Variants in PDE1C observed in about 807,000 individuals in gnomAD.
PDE1C encodes the protein phosphodiesterase 1C.
A neutral mutation model predicts 93.1 loss-of-function variants in PDE1C; 62 were observed. The observed-to-expected ratio is 0.67, with a 90% CI of 0.54 to 0.82. The LOEUF (loss-of-function observed/expected upper bound fraction) is 0.82. Among genes scored for constraint, PDE1C ranks in the 40% least tolerant of loss-of-function variants. The pLI is 0.00. For missense variants in PDE1C, 742 were observed against 884.6 expected (o/e 0.84, Z 2.04); for synonymous variants, 325 against 310.1 (o/e 1.05, Z -0.50).
At chr7:32,207,503 T>G (rs1396663190) in intron 2 of PDE1C, among the ~76,000 whole-genome samples, 1 of 152,248 alleles carries the variant, frequency 6.6e-6, no homozygotes, top group Non-Finnish European at 1.5e-5. Flanking sequence ...ATAATTTTTT[T>G]GCCTTCCTAA....
intron 17 of PDE1C, among the ~76,000 whole-genome samples, chr7:31,771,205 A>T (rs1322381697): frequency 6.6e-6 from 1 of 152,052 alleles, no homozygotes; most frequent in Admixed American, 6.6e-5. Context: ...TCTGTGGTAC[A>T]CTCTGCTACT....
chr7:32,189,785 G>A (rs945278596), intron 2 of PDE1C, among the ~76,000 whole-genome samples: 4 of 148,808 alleles, frequency 2.7e-5, no homozygotes, highest in African/African-American at 7.3e-5. Context: ...GTAATATACA[G>A]ATCACAGAAA....
chr7:32,239,357 C>T (rs1375690215), intron 1 of PDE1C, among the ~76,000 whole-genome samples: 1 of 152,148 alleles, frequency 6.6e-6, no homozygotes, highest in Non-Finnish European at 1.5e-5. Flanking sequence ...TGCACTATTA[C>T]ACTCCAGCCC....
chr7:32,064,195 G>C (rs1471394198), intron 1 of PDE1C, among the ~76,000 whole-genome samples: 3 of 152,104 alleles, frequency 2.0e-5, no homozygotes, highest in African/African-American at 7.2e-5. Flanking sequence ...AAGATTCTCA[G>C]ACCCACCACT....
chr7:32,409,869 A>G lies in PDE1C; in HGVS notation c.310+17953T>C, dbSNP rs532283617. On this transcript the variant is annotated intron_variant, in intron 1 of 1. Coordinates refer to the PDE1C transcript ENST00000672256. ...CATATATGCATATTTGCATATGTAC[A>G]CAAACTTATGTATATATTTATATAT... Among the ~76,000 whole-genome samples, 155 of 151,938 alleles carry G rather than the reference A, an allele frequency of 1.0e-3. 2 individuals are homozygous for G. Among genetic ancestry groups the G allele is most frequent in the Admixed American group, 8.8e-3 (134 of 15,250 alleles).
At chr7:31,631,193 AAAGAGAAACCTATC>A in the PDE1C span, among the ~76,000 whole-genome samples, 6 of 152,252 alleles carry the variant, frequency 3.9e-5, no homozygotes, top group Non-Finnish European at 8.8e-5. Flanking sequence ...AGATAAAAAA[AAAGAGAAACCTATC>A]AATTGTTTTT....
intron 2 of PDE1C, among the ~76,000 whole-genome samples, chr7:32,009,117 G>T (rs1447579687): frequency 2.0e-5 from 3 of 152,146 alleles, no homozygotes; most frequent in Non-Finnish European, 2.9e-5. Context: ...TAAAACAATG[G>T]CTTTCAAAAC....
chr7:31,663,229 A>G, the PDE1C span, among the ~76,000 whole-genome samples: 1 of 152,212 alleles, frequency 6.6e-6, no homozygotes, highest in Non-Finnish European at 1.5e-5. Context: ...AGTTGGGTCT[A>G]CCTCAGGGAA....
intron 2 of PDE1C, among the ~76,000 whole-genome samples, chr7:31,889,525 A>T (rs1471755101): frequency 1.3e-5 from 2 of 152,190 alleles, no homozygotes; most frequent in Non-Finnish European, 2.9e-5. Context: ...CTTGGTTGCC[A>T]TGGATTTTCT....
intron 6 of PDE1C, among the ~76,000 whole-genome samples, chr7:31,868,734 A>G (rs1165641220): frequency 6.6e-6 from 1 of 152,184 alleles, no homozygotes; most frequent in East Asian, 1.9e-4. Flanking sequence ...AGATCTCCAC[A>G]GCACATTAGA....
chr7:31,860,863 G>A (rs1045464024), intron 7 of PDE1C, among the ~76,000 whole-genome samples: 3 of 151,868 alleles, frequency 2.0e-5, no homozygotes, highest in African/African-American at 7.3e-5. Context: ...TAATTCATTT[G>A]TCAGATTTTT....
chr7:32,029,762 G>A (rs1332142705), intron 2 of PDE1C, among the ~76,000 whole-genome samples: 1 of 152,036 alleles, frequency 6.6e-6, no homozygotes, highest in Non-Finnish European at 1.5e-5. Flanking sequence ...GATTTTCAAG[G>A]CAATGAACAT....
chr7:31,737,827 C>A, the PDE1C span, among the ~76,000 whole-genome samples: 16 of 146,600 alleles, frequency 1.1e-4, no homozygotes, highest in Admixed American at 8.8e-4. Context: ...AAGTCCATTT[C>A]TTCTGCAATA....
At chr7:32,146,073 C>T (rs1800815855) in intron 3 of PDE1C, among the ~76,000 whole-genome samples, 1 of 152,098 alleles carries the variant, frequency 6.6e-6, no homozygotes, top group South Asian at 2.1e-4. Flanking sequence ...CTAATAATAA[C>T]AGATGGATGG....
chr7:31,821,882 T>G (rs1427589972), intron 14 of PDE1C, among the ~76,000 whole-genome samples: 2 of 152,030 alleles, frequency 1.3e-5, no homozygotes, highest in African/African-American at 2.4e-5. Context: ...GAACCAACAC[T>G]GCTAGAACAT....
At chr7:31,735,439 A>G in the PDE1C span, among the ~76,000 whole-genome samples, 1 of 150,958 alleles carries the variant, frequency 6.6e-6, no homozygotes, top group Admixed American at 6.6e-5. Flanking sequence ...ACTGCCTTTA[A>G]GTGTCATGAG....
At chr7:31,824,556 T>G (rs182300335) in intron 13 of PDE1C, among the ~76,000 whole-genome samples, 87 of 152,232 alleles carry the variant, frequency 5.7e-4, no homozygotes, top group African/African-American at 2.0e-3. Context: ...ACTGTCTTTG[T>G]GGAGTATTAC....
chr7:31,646,063 C>T, the PDE1C span, among the ~76,000 whole-genome samples: 1 of 152,186 alleles, frequency 6.6e-6, no homozygotes, highest in African/African-American at 2.4e-5. Flanking sequence ...GTTGGTCTAA[C>T]ATAGGAATGC....
chr7:32,127,734 G>C (rs147372380), intron 3 of PDE1C, among the ~76,000 whole-genome samples: 5 of 151,944 alleles, frequency 3.3e-5, no homozygotes, highest in African/African-American at 1.2e-4. Flanking sequence ...AATTAATAAG[G>C]ACTAGTATAA....
Sources: allele counts gnomAD v4.1 joint callset (sites outside exome capture counted in the v4.1 genomes callset), GRCh38; gene constraint gnomAD v4.1.1; transcripts MANE v1.5; gene names NCBI Gene and HGNC (gene_info 2026-07-23, HGNC 2026-07-21).